Variants in LRRTM3 observed in about 807,000 individuals in gnomAD.
LRRTM3 encodes leucine-rich repeat transmembrane neuronal protein 3.
In LRRTM3, 24 loss-of-function variants were observed where a neutral mutation model predicts 44.7. The observed-to-expected ratio is 0.54, with a 90% CI of 0.39 to 0.76. The LOEUF (loss-of-function observed/expected upper bound fraction) is 0.76. LRRTM3 is among the 30% of genes least tolerant of loss of function. The pLI is 0.00. For synonymous variants in LRRTM3, 277 were observed against 278.7 expected, an observed-to-expected ratio of 0.99 and a Z score of 0.06; for missense variants, 587 against 702.2, an observed-to-expected ratio of 0.84 and a Z score of 1.85.
rs1388302693 is a variant in LRRTM3 at position 66,992,176 on chromosome 10, CAT to C, written c.1536+63727_1536+63728del. On this transcript the variant is annotated intron_variant, in intron 2 of 2. Coordinates refer to ENST00000361320, the MANE Select transcript of LRRTM3 (RefSeq NM_178011.5). The stretch of plus-strand genomic sequence containing the variant: ...AGTTCCAGTTTCTCTACCTCCCAGA[CAT>C]ATGTATTGTCATGCTTTAATTTTTA... Among the ~76,000 whole-genome samples, 4 of 152,296 alleles carry C rather than the reference CAT, an allele frequency of 2.6e-5. No homozygotes were observed. In the East Asian group the frequency reaches 7.7e-4, roughly 29 times the overall value.
At chr10:67,083,157 C>A (rs1250589262) in intron 2 of LRRTM3, among the ~76,000 whole-genome samples, 1 of 151,922 alleles carries the variant, frequency 6.6e-6, no homozygotes, top group Non-Finnish European at 1.5e-5. Flanking sequence ...ATCCATAGGT[C>A]TACCTAATTT....
At chr10:67,088,519 T>G (rs1003040536) in intron 2 of LRRTM3, among the ~76,000 whole-genome samples, 4 of 151,934 alleles carry the variant, frequency 2.6e-5, no homozygotes, top group African/African-American at 9.7e-5. Context: ...AGACTCTCCC[T>G]GTTACTTAGA....
chr10:66,955,911 A>T (rs1316496866), intron 2 of LRRTM3, among the ~76,000 whole-genome samples: 1 of 152,138 alleles, frequency 6.6e-6, no homozygotes, highest in Non-Finnish European at 1.5e-5. Context: ...TGACGCTACA[A>T]CATGGCATTT....
chr10:67,092,550 TA>T (rs1447185392), intron 2 of LRRTM3, among the ~76,000 whole-genome samples: 7 of 151,978 alleles, frequency 4.6e-5, no homozygotes, highest in Admixed American at 3.9e-4. Flanking sequence ...TATACAAAGA[TA>T]TTTGTACAAA....
chr10:66,982,887 A>T (rs10997468), intron 2 of LRRTM3, among the ~76,000 whole-genome samples: 2 of 152,114 alleles, frequency 1.3e-5, no homozygotes, highest in Non-Finnish European at 2.9e-5. Flanking sequence ...GAAGAAGGGG[A>T]GAAGCATAAG....
intron 2 of LRRTM3, among the ~76,000 whole-genome samples, chr10:67,088,950 T>C (rs913428042): frequency 6.6e-6 from 1 of 152,032 alleles, no homozygotes; most frequent in Non-Finnish European, 1.5e-5. Flanking sequence ...CAATTAAAAT[T>C]AATACGAATA....
chr10:66,959,348 T>C (rs889869406), intron 2 of LRRTM3, among the ~76,000 whole-genome samples: 1 of 152,202 alleles, frequency 6.6e-6, no homozygotes, highest in African/African-American at 2.4e-5. Context: ...AGGATTTCTA[T>C]TTTTATTCCT....
At chr10:66,959,806 A>G (rs1006029543) in intron 2 of LRRTM3, among the ~76,000 whole-genome samples, 1 of 152,138 alleles carries the variant, frequency 6.6e-6, no homozygotes, top group Non-Finnish European at 1.5e-5. Context: ...AGGAGTAAGA[A>G]ACTTTGCTGA....
intron 2 of LRRTM3, among the ~76,000 whole-genome samples, chr10:67,063,426 A>G (rs1052487318): frequency 1.3e-5 from 2 of 152,208 alleles, no homozygotes; most frequent in South Asian, 2.1e-4. Context: ...AGTTAAATTC[A>G]TTAAAGAAAA....
At chr10:66,978,552 A>AAAAT in intron 2 of LRRTM3, among the ~76,000 whole-genome samples, 62 of 37,846 alleles carry the variant, frequency 1.6e-3, no homozygotes, top group African/African-American at 3.0e-3. Context: ...AAAAAAAAAA[A>AAAAT]ATATATATAT....
intron 2 of LRRTM3, among the ~76,000 whole-genome samples, chr10:66,953,021 T>C (rs551017431): frequency 7.9e-5 from 12 of 152,166 alleles, no homozygotes; most frequent in African/African-American, 2.2e-4. Flanking sequence ...ACTATGTTCT[T>C]TACCTTCCAC....
intron 2 of LRRTM3, among the ~76,000 whole-genome samples, chr10:66,952,160 G>A (rs912577653): frequency 2.0e-5 from 3 of 152,168 alleles, no homozygotes; most frequent in African/African-American, 7.2e-5. Context: ...CACCACTGGA[G>A]GGGTGTACAG....
chr10:66,978,067 TAC>T (rs3056586), intron 2 of LRRTM3, among the ~76,000 whole-genome samples: 9,782 of 113,912 alleles, frequency 0.086, 840 homozygotes, highest in African/African-American at 0.23. Context: ...TATATATATA[TAC>T]ACACACACAC....
chr10:66,952,319 T>C (rs559878191), intron 2 of LRRTM3, among the ~76,000 whole-genome samples: 3 of 152,298 alleles, frequency 2.0e-5, no homozygotes, highest in Non-Finnish European at 2.9e-5. Context: ...GATGTCACTT[T>C]TATACTCAAT....
chr10:66,946,355 T>C (rs1290368938), intron 2 of LRRTM3, among the ~76,000 whole-genome samples: 1 of 152,188 alleles, frequency 6.6e-6, no homozygotes, highest in Non-Finnish European at 1.5e-5. Context: ...AATATTTTAA[T>C]ATGTGAGAGA....
chr10:67,085,350 G>GA (rs1857245808), intron 2 of LRRTM3, among the ~76,000 whole-genome samples: 1 of 150,332 alleles, frequency 6.7e-6, no homozygotes, highest in Admixed American at 6.6e-5. Context: ...AATAAAGTAA[G>GA]AAAAAATGAA....
rs184568950 is a variant in LRRTM3, at chr10:67,077,745, C to T, written c.1537-19842C>T. Reference sequence around the variant, plus strand: ...ATGATAATATCTATTTCTATTTATTCGCTCATCTCACTAGCACCTAAGACA... The same window carrying T: ...ATGATAATATCTATTTCTATTTATTTGCTCATCTCACTAGCACCTAAGACA... On this transcript the variant is annotated intron_variant, in intron 2 of 2. Transcript: ENST00000361320. Among the ~76,000 whole-genome samples the T allele has an allele frequency of 2.5e-3, 387 of 152,054 alleles. 1 individual carries two copies. Among genetic ancestry groups the T allele is most frequent in the African/African-American group, 8.5e-3 (354 of 41,440 alleles).
intron 2 of LRRTM3, among the ~76,000 whole-genome samples, chr10:66,962,976 C>CTGAA (rs539206689): frequency 0.23 from 34,226 of 151,764 alleles, 4,086 homozygotes; most frequent in East Asian, 0.36. Flanking sequence ...TAGTTGTTGA[C>CTGAA]TGAATGAATG....
At chr10:66,965,344 G>A (rs938692422) in intron 2 of LRRTM3, among the ~76,000 whole-genome samples, 1 of 151,960 alleles carries the variant, frequency 6.6e-6, no homozygotes, top group African/African-American at 2.4e-5. Flanking sequence ...AGACGATCTT[G>A]GCCAACATGG....
Sources: allele counts gnomAD v4.1 joint callset (sites outside exome capture counted in the v4.1 genomes callset), GRCh38; gene constraint gnomAD v4.1.1; transcripts MANE v1.5; gene names NCBI Gene and HGNC (gene_info 2026-07-23, HGNC 2026-07-21).